CCBE1: variants seen among roughly 807,000 people sequenced by gnomAD.
CCBE1 encodes the protein collagen and calcium binding EGF domains 1.
A neutral mutation model predicts 50.0 loss-of-function variants in CCBE1; 37 were observed. The ratio of observed to expected loss-of-function variants is 0.74; its 90% CI spans 0.57 to 0.97. The LOEUF (loss-of-function observed/expected upper bound fraction) is 0.97, where lower values mean the gene tolerates loss of function less well. CCBE1 is among the 50% of genes least tolerant of loss of function. CCBE1 has a pLI of 0.00. For synonymous variants in CCBE1, 234 were observed against 203.7 expected (o/e 1.15, Z -1.27); for missense variants, 538 against 523.8 (o/e 1.03, Z -0.26).
At chr18:59,509,327 A>T (rs1202229198) in intron 2 of CCBE1, among the ~76,000 whole-genome samples, 1 of 151,674 alleles carries the variant, frequency 6.6e-6, no homozygotes, top group Non-Finnish European at 1.5e-5. Flanking sequence ...TATACACATA[A>T]ATATATATAT....
intron 2 of CCBE1, among the ~76,000 whole-genome samples, chr18:59,612,283 TAAAGTA>T: frequency 1.3e-5 from 1 of 76,658 alleles, no homozygotes; most frequent in African/African-American, 5.2e-5. Flanking sequence ...CCCTAAAACT[TAAAGTA>T]TAATAAAAAA....
rs773116276 is a variant in CCBE1, at chr18:59,436,104, A to G, written c.1025T>C (p.Leu342Pro). ...PGSFDFLLLMLADIRNDITEL... is the reference protein window; with the variant it reads ...PGSFDFLLLMPADIRNDITEL... ...AGTGATGTCATTGCGGATGTCAGCC[A>G]GCATAAGTAGCAGGAAGTCGAAAGA... is the stretch of plus-strand genomic sequence containing the variant. The change falls in exon 11 of 11, where the codon CTG becomes CCG. Residue 342 changes from leucine (L) to proline (P), a missense_variant. Coordinates refer to ENST00000439986, the MANE Select transcript of CCBE1 (RefSeq NM_133459.4). 1.2e-6 allele frequency: 2 copies of G among 1,614,242 alleles called. No individual in the cohort carries two copies. Among genetic ancestry groups the G allele is most frequent in the Non-Finnish European group, 1.7e-6 (2 of 1,180,044 alleles).
At chr18:59,601,285 CCCA>C (rs1481585339) in intron 2 of CCBE1, among the ~76,000 whole-genome samples, 1 of 151,768 alleles carries the variant, frequency 6.6e-6, no homozygotes, top group Admixed American at 6.6e-5. Flanking sequence ...TCCCATAATC[CCCA>C]CGTGTCATGG....
chr18:59,546,382 T>C (rs1199887160), intron 2 of CCBE1, among the ~76,000 whole-genome samples: 2 of 152,358 alleles, frequency 1.3e-5, no homozygotes, highest in African/African-American at 4.8e-5. Flanking sequence ...GGCTTGGCCA[T>C]GTAACTTCTT....
At chr18:59,642,197 G>A (rs1194248731) in intron 2 of CCBE1, among the ~76,000 whole-genome samples, 2 of 151,936 alleles carry the variant, frequency 1.3e-5, no homozygotes, top group Non-Finnish European at 2.9e-5. Context: ...TAGGTAAAAG[G>A]CATTTCACTG....
At chr18:59,448,197 G>T in intron 6 of CCBE1, 94 bp from the exon 7 acceptor site, 4 of 1,545,630 alleles carry the variant, frequency 2.6e-6, no homozygotes, top group African/African-American at 1.4e-5. Context: ...GCCTTTTCAT[G>T]AGACATATGT....
chr18:59,649,982 C>T (rs2054106179), intron 2 of CCBE1, among the ~76,000 whole-genome samples: 1 of 152,060 alleles, frequency 6.6e-6, no homozygotes, highest in Admixed American at 6.5e-5. Flanking sequence ...AGGCCTTCCC[C>T]ACTTGTTTTA....
intron 6 of CCBE1, among the ~76,000 whole-genome samples, chr18:59,449,857 T>A (rs1910850536): frequency 6.6e-6 from 1 of 152,120 alleles, no homozygotes; most frequent in African/African-American, 2.4e-5. Flanking sequence ...TTTGCTTGAT[T>A]TGGCCTCTTG....
chr18:59,542,165 T>A (rs1190758634), intron 2 of CCBE1, among the ~76,000 whole-genome samples: 16 of 116,100 alleles, frequency 1.4e-4, no homozygotes, highest in African/African-American at 5.7e-4. Flanking sequence ...CAGAGTGAGA[T>A]CCTGTCTCAA....
chr18:59,503,728 G>C (rs1253476764), intron 2 of CCBE1, among the ~76,000 whole-genome samples: 1 of 151,978 alleles, frequency 6.6e-6, no homozygotes, highest in East Asian at 1.9e-4. Flanking sequence ...ATAATTTCTT[G>C]GCTCCCATCA....
chr18:59,617,425 T>A (rs2053651411), intron 2 of CCBE1, among the ~76,000 whole-genome samples: 2 of 152,238 alleles, frequency 1.3e-5, no homozygotes, highest in Non-Finnish European at 2.9e-5. Flanking sequence ...AAAGCCATCA[T>A]CTTAAAACTT....
chr18:59,439,788 G>T lies in CCBE1; in HGVS notation c.804C>A (p.Gly268=), dbSNP rs1211995257. 3.1e-6 allele frequency: 5 copies of T among 1,613,944 alleles called. No individual in the cohort carries two copies. Among genetic ancestry groups the T allele is most frequent in the Non-Finnish European group, 4.2e-6 (5 of 1,180,012 alleles). ...PGSPGPKGSP[G]FPGMPGPPGQ... ...CAGGAGGGCCTGGCATACCGGGGAAGCCTGGGCTTCCCTTTGGTCCTGGTG... is the reference window on the plus strand; with the variant it reads ...CAGGAGGGCCTGGCATACCGGGGAATCCTGGGCTTCCCTTTGGTCCTGGTG... Residue 268 remains glycine (G), a synonymous_variant, in exon 8 of 11, where the codon GGC becomes GGA. Transcript: ENST00000439986.
intron 2 of CCBE1, among the ~76,000 whole-genome samples, chr18:59,532,185 C>T (rs1915079014): frequency 6.6e-6 from 1 of 152,148 alleles, no homozygotes. Flanking sequence ...CCTGCCTCAG[C>T]TTCCCAAAAT....
chr18:59,557,147 C>T (rs1300219613), intron 2 of CCBE1, among the ~76,000 whole-genome samples: 4 of 152,212 alleles, frequency 2.6e-5, no homozygotes, highest in Admixed American at 6.5e-5. Context: ...AAGCTCCCAG[C>T]AGAGGACTCC....
At position 59,450,408 on chromosome 18, in the gene CCBE1, A is replaced by G. The variant is rs185939071; in HGVS notation, c.655-2305T>C. ...TTTTTTAAAAGTAGAACTGAGGCAC[A>G]GAGAGGTTAGGTAACTTACCGAGAG... is the stretch of plus-strand genomic sequence containing the variant. On this transcript the variant is annotated intron_variant, in intron 6 of 10. Transcript: ENST00000439986. Among the ~76,000 whole-genome samples, 356 of 152,348 alleles carry G rather than the reference A, an allele frequency of 2.3e-3. 1 individual carries two copies. Among genetic ancestry groups the G allele is most frequent in the African/African-American group, 8.2e-3 (340 of 41,578 alleles).
At chr18:59,542,080 G>A (rs1915488826) in intron 2 of CCBE1, among the ~76,000 whole-genome samples, 1 of 151,692 alleles carries the variant, frequency 6.6e-6, no homozygotes, top group Non-Finnish European at 1.5e-5. Context: ...AGGCTGAGGT[G>A]GGAGGATCAC....
intron 2 of CCBE1, among the ~76,000 whole-genome samples, chr18:59,573,424 C>T (rs2052947676): frequency 6.6e-6 from 1 of 151,470 alleles, no homozygotes; most frequent in African/African-American, 2.4e-5. Context: ...TTCCAGTCTT[C>T]AGACTCAAGA....
At chr18:59,661,896 G>A (rs544275142) in intron 2 of CCBE1, among the ~76,000 whole-genome samples, 20 of 150,610 alleles carry the variant, frequency 1.3e-4, no homozygotes, top group Non-Finnish European at 6.0e-5. Flanking sequence ...GAATCCAGGA[G>A]GTAGAAGTTG....
chr18:59,676,623 C>T (rs1277000139), intron 2 of CCBE1, among the ~76,000 whole-genome samples: 3 of 152,170 alleles, frequency 2.0e-5, no homozygotes, highest in Non-Finnish European at 4.4e-5. Context: ...CCGTACTGGA[C>T]ACGGGGCATA....
Sources: gnomAD v4.1 joint callset for allele counts (sites outside exome capture counted in the v4.1 genomes callset) on GRCh38, gnomAD v4.1.1 for gene constraint, MANE v1.5 for transcripts, NCBI Gene and HGNC (gene_info 2026-07-23, HGNC 2026-07-21) for gene names.